The following HSF2BP variants were observed in gnomAD, a reference collection of about 807,000 sequenced individuals.
HSF2BP encodes the protein heat shock factor 2-binding protein.
In HSF2BP, 35 loss-of-function variants were observed where a neutral mutation model predicts 35.0. The observed-to-expected ratio is 1.00, with a 90% CI of 0.76 to 1.32. The LOEUF is 1.32. Among genes scored for constraint, HSF2BP ranks in the 40% most tolerant of loss-of-function variants. The pLI, the probability that HSF2BP is intolerant of heterozygous loss-of-function variation, is 0.00. For synonymous variants in HSF2BP, 114 were observed against 117.4 expected (o/e 0.97, Z 0.18); for missense variants, 326 against 321.7 (o/e 1.01, Z -0.10).
In HSF2BP at chr21:43,652,729, G is replaced by A. The variant is rs185479675; in HGVS notation, c.187+3858C>T. 5.0e-4 allele frequency among the ~76,000 whole-genome samples: 76 copies of A among 152,202 alleles called. 1 individual carries two copies. In the East Asian group the frequency reaches 9.6e-3, roughly 19 times the overall value. On this transcript the variant is annotated intron_variant, in intron 3 of 8. Coordinates refer to ENST00000291560, the MANE Select transcript of HSF2BP (RefSeq NM_007031.2). ...AAATTAGATAAAAGATGCCTTAGGAGGCCACAGTAAACCTCCTGGAACCAG... is the reference window on the plus strand; with the variant it reads ...AAATTAGATAAAAGATGCCTTAGGAAGCCACAGTAAACCTCCTGGAACCAG...
At chr21:43,636,668 G>A (rs2082563363) in intron 4 of HSF2BP, among the ~76,000 whole-genome samples, 1 of 152,270 alleles carries the variant, frequency 6.6e-6, no homozygotes, top group East Asian at 1.9e-4. Context: ...GAGGCAGGCG[G>A]ATCACTTGAG....
intron 8 of HSF2BP, among the ~76,000 whole-genome samples, chr21:43,585,261 C>T (rs1300212831): frequency 6.6e-6 from 1 of 152,140 alleles, no homozygotes; most frequent in Non-Finnish European, 1.5e-5. Context: ...AGTCAGCTAG[C>T]ATCACTCCAC....
intron 8 of HSF2BP, among the ~76,000 whole-genome samples, chr21:43,584,084 G>C (rs1223638227): frequency 7.1e-6 from 1 of 141,710 alleles, no homozygotes; most frequent in African/African-American, 2.7e-5. Flanking sequence ...GGAGATGAAG[G>C]GCCTGCTGAG....
At chr21:43,607,384 C>A (rs188528273) in intron 7 of HSF2BP, among the ~76,000 whole-genome samples, 38 of 151,712 alleles carry the variant, frequency 2.5e-4, no homozygotes, top group African/African-American at 8.7e-4. Context: ...AGGAATACAT[C>A]TAACCAAGGG....
chr21:43,643,603 G>A (rs1411717619), intron 4 of HSF2BP, among the ~76,000 whole-genome samples: 2 of 152,114 alleles, frequency 1.3e-5, no homozygotes, highest in Non-Finnish European at 2.9e-5. Context: ...AGAAAAAGAT[G>A]CCCAATCTTG....
chr21:43,643,967 G>GAAA (rs570531057), intron 4 of HSF2BP, among the ~76,000 whole-genome samples: 1 of 143,330 alleles, frequency 7.0e-6, no homozygotes, highest in Non-Finnish European at 1.5e-5. Context: ...AAAAAAAAAG[G>GAAA]AAAAAAAAAA....
At chr21:43,603,917 A>G (rs771483919) in intron 7 of HSF2BP, among the ~76,000 whole-genome samples, 2 of 152,178 alleles carry the variant, frequency 1.3e-5, no homozygotes, top group Non-Finnish European at 2.9e-5. Context: ...ATGTGGCCCA[A>G]TAGCAGAATC....
the HSF2BP span, among the ~76,000 whole-genome samples, chr21:43,506,178 G>A: frequency 9.4e-5 from 12 of 128,056 alleles, 2 homozygotes; most frequent in Non-Finnish European, 1.6e-4. Flanking sequence ...CCTCCTGCTC[G>A]TGACTTAGGA....
chr21:43,619,426 A>C (rs1274785859), intron 6 of HSF2BP, among the ~76,000 whole-genome samples: 2 of 152,226 alleles, frequency 1.3e-5, no homozygotes, highest in Admixed American at 1.3e-4. Flanking sequence ...CCCAAAAGAA[A>C]ACCAAAAACG....
chr21:43,605,492 CACACCCACACAT>C (rs1265356942), intron 7 of HSF2BP, among the ~76,000 whole-genome samples: 1 of 148,456 alleles, frequency 6.7e-6, no homozygotes, highest in African/African-American at 2.5e-5. Context: ...CACCCACACA[CACACCCACACAT>C]ATCCCCCCAC....
chr21:43,589,280 G>A (rs999956423), intron 8 of HSF2BP, among the ~76,000 whole-genome samples: 1 of 152,124 alleles, frequency 6.6e-6, no homozygotes, highest in African/African-American at 2.4e-5. Context: ...TCCTTGAAAA[G>A]CTAGCCAGAA....
At chr21:43,467,939 ACAC>A in the HSF2BP span, among the ~76,000 whole-genome samples, 5 of 90,228 alleles carry the variant, frequency 5.5e-5, no homozygotes, top group South Asian at 4.3e-4. Flanking sequence ...CACCACACAC[ACAC>A]ACCACACACA....
chr21:43,459,543 C>T, the HSF2BP span, among the ~76,000 whole-genome samples: 1 of 98,844 alleles, frequency 1.0e-5, no homozygotes, highest in African/African-American at 3.7e-5. Flanking sequence ...TACCAACACT[C>T]CCCCGGCCCT....
chr21:43,574,007 C>T (rs772993616), intron 8 of HSF2BP, among the ~76,000 whole-genome samples: 15 of 152,154 alleles, frequency 9.9e-5, no homozygotes, highest in African/African-American at 1.2e-4. Context: ...AAGCCATCGA[C>T]GGGCTTCTGC....
chr21:43,600,886 G>A (rs913455890), intron 7 of HSF2BP, among the ~76,000 whole-genome samples: 5 of 152,170 alleles, frequency 3.3e-5, no homozygotes, highest in African/African-American at 1.2e-4. Context: ...TTTAGGTATG[G>A]AATCTTTTTT....
chr21:43,604,533 CCA>C (rs573227086), intron 7 of HSF2BP, among the ~76,000 whole-genome samples: 1 of 138,312 alleles, frequency 7.2e-6, no homozygotes, highest in Non-Finnish European at 1.6e-5. Flanking sequence ...CACACACACA[CCA>C]CACACACCAT....
chr21:43,598,795 T>C (rs1601642577), intron 7 of HSF2BP, among the ~76,000 whole-genome samples: 2 of 152,200 alleles, frequency 1.3e-5, no homozygotes, highest in East Asian at 3.8e-4. Context: ...TAACTAGAAT[T>C]CAGTGAGGTG....
intron 8 of HSF2BP, among the ~76,000 whole-genome samples, chr21:43,574,578 C>G (rs1402059801): frequency 6.6e-6 from 1 of 152,148 alleles, no homozygotes; most frequent in Non-Finnish European, 1.5e-5. Flanking sequence ...AGGATGGTCT[C>G]GATCTCCTGA....
At chr21:43,623,085 T>G (rs1019774856) in intron 6 of HSF2BP, among the ~76,000 whole-genome samples, 2 of 152,056 alleles carry the variant, frequency 1.3e-5, no homozygotes, top group Non-Finnish European at 1.5e-5. Flanking sequence ...ATTACAGGCA[T>G]GGGCCACTAT....
Sources: allele counts gnomAD v4.1 joint callset (sites outside exome capture counted in the v4.1 genomes callset), GRCh38; gene constraint gnomAD v4.1.1; transcripts MANE v1.5; gene names NCBI Gene and HGNC (gene_info 2026-07-23, HGNC 2026-07-21).